Variants in EEA1 observed in about 807,000 individuals in gnomAD.
EEA1 encodes early endosome antigen 1, also known as early endosome antigen 1, 162kD.
In EEA1, 111 loss-of-function variants were observed where a neutral mutation model predicts 209.2. The ratio of observed to expected loss-of-function variants is 0.53; its 90% CI spans 0.45 to 0.62. The LOEUF is 0.62. EEA1 is among the 20% of genes least tolerant of loss of function. The probability of loss-of-function intolerance (pLI) is 0.00; values close to 1 mark genes in which losing one functional copy is unlikely to be tolerated. For missense variants in EEA1, 1,343 were observed against 1,530.8 expected (o/e 0.88, Z 2.05); for synonymous variants, 536 against 540.6 (o/e 0.99, Z 0.12).
At chr12:92,834,486 A>G (rs1275556351) in intron 10 of EEA1, among the ~76,000 whole-genome samples, 3 of 144,828 alleles carry the variant, frequency 2.1e-5, no homozygotes, top group African/African-American at 7.6e-5. Flanking sequence ...TTAAGGCTGC[A>G]GTGAACTAAG....
chr12:92,793,719 T>C (rs1792722248), intron 21 of EEA1, among the ~76,000 whole-genome samples: 2 of 152,164 alleles, frequency 1.3e-5, no homozygotes, highest in Non-Finnish European at 2.9e-5. Context: ...AAGTAATTTA[T>C]AGATTCAATG....
At chr12:92,791,769 A>C (rs1358683051) in intron 21 of EEA1, among the ~76,000 whole-genome samples, 3 of 152,230 alleles carry the variant, frequency 2.0e-5, no homozygotes, top group African/African-American at 7.2e-5. Context: ...TGCAACAAGC[A>C]GACCTAACAG....
chr12:92,902,740 TAAAAAAAA>T, intron 1 of EEA1, among the ~76,000 whole-genome samples: 2 of 125,098 alleles, frequency 1.6e-5, no homozygotes, highest in South Asian at 5.2e-4. Flanking sequence ...AATTCTGTCT[TAAAAAAAA>T]AAAAAAAAAA....
chr12:92,864,860 C>A lies in EEA1; in HGVS notation c.245G>T (p.Arg82Leu). 6.3e-7 allele frequency: 1 copy of A among 1,593,102 alleles called. No individual in the cohort carries two copies. The highest frequency in any genetic ancestry group is 8.5e-7 in the Non-Finnish European group (1 of 1,171,830). The change falls in exon 3 of 29, where the codon CGA becomes CTA. Residue 82 changes from arginine to leucine, a missense_variant and splice_region_variant. Transcript: ENST00000322349. ...HGGESNLALK[R>L]DDVTLLRQEV... ...ATACTTCAAAATTATCATACCGTACCGCTTCAAAGCAAGATTAGACTCTCC... is the reference window on the plus strand; with the variant it reads ...ATACTTCAAAATTATCATACCGTACAGCTTCAAAGCAAGATTAGACTCTCC...
chr12:92,870,685 G>T (rs1295537561), intron 2 of EEA1, among the ~76,000 whole-genome samples: 2 of 151,648 alleles, frequency 1.3e-5, no homozygotes, highest in African/African-American at 4.8e-5. Flanking sequence ...GGCGGTGGTG[G>T]GGCAGGGACG....
chr12:92,812,690 G>A (rs1055214675), intron 16 of EEA1, among the ~76,000 whole-genome samples: 1 of 152,072 alleles, frequency 6.6e-6, no homozygotes, highest in Non-Finnish European at 1.5e-5. Context: ...AAAGTTAGGA[G>A]GAAACATTAC....
Position 92,785,624 on chromosome 12 carries a change from C to A in EEA1, c.3150+2243G>T, listed in dbSNP as rs541127453. On this transcript the variant is annotated intron_variant, in intron 22 of 28. Coordinates refer to ENST00000322349, the MANE Select transcript of EEA1 (RefSeq NM_003566.4). ...AGCATTTTATATAAAATTTACCAAT[C>A]TTTTATTTTGTTAAAAAATTATAGT... 1.1e-4 allele frequency among the ~76,000 whole-genome samples: 16 copies of A among 152,232 alleles called. No homozygotes were observed. In the South Asian group the frequency reaches 3.3e-3, roughly 32 times the overall value.
chr12:92,881,789 C>T (rs1292713199), intron 2 of EEA1, among the ~76,000 whole-genome samples: 3 of 152,136 alleles, frequency 2.0e-5, no homozygotes, highest in African/African-American at 7.2e-5. Flanking sequence ...CTGATGAAAA[C>T]AATGAAATGA....
chr12:92,875,376 C>A (rs1209237118), intron 2 of EEA1, among the ~76,000 whole-genome samples: 1 of 152,136 alleles, frequency 6.6e-6, no homozygotes, highest in Non-Finnish European at 1.5e-5. Flanking sequence ...GCAGAGATTG[C>A]AGTGAGCTGA....
chr12:92,881,781 G>A (rs556965835), intron 2 of EEA1, among the ~76,000 whole-genome samples: 4 of 152,126 alleles, frequency 2.6e-5, no homozygotes, highest in Non-Finnish European at 4.4e-5. Context: ...GAACTGTCCT[G>A]ATGAAAACAA....
chr12:92,828,331 C>T (rs1384768612), intron 11 of EEA1, among the ~76,000 whole-genome samples: 1 of 151,914 alleles, frequency 6.6e-6, no homozygotes, highest in Non-Finnish European at 1.5e-5. Flanking sequence ...AATGCAGGTT[C>T]TTGTTTGGAT....
chr12:92,915,417 C>T (rs1458496455), intron 1 of EEA1, among the ~76,000 whole-genome samples: 2 of 152,120 alleles, frequency 1.3e-5, no homozygotes, highest in African/African-American at 4.8e-5. Context: ...TGCAGTGAGC[C>T]GTGATCATGC....
At chr12:92,840,362 G>A (rs1289414652) in intron 10 of EEA1, among the ~76,000 whole-genome samples, 2 of 152,216 alleles carry the variant, frequency 1.3e-5, no homozygotes, top group African/African-American at 2.4e-5. Flanking sequence ...GCCCAGGCTG[G>A]AGTGCAGTGG....
intron 9 of EEA1, among the ~76,000 whole-genome samples, chr12:92,848,722 C>CTTTTTTT (rs71069184): frequency 3.1e-5 from 2 of 64,550 alleles, no homozygotes; most frequent in Admixed American, 2.6e-4. Context: ...ATATTCTCAC[C>CTTTTTTT]TTTTTTTTTT....
intron 5 of EEA1, among the ~76,000 whole-genome samples, chr12:92,855,826 G>A (rs185291231): frequency 6.6e-6 from 1 of 152,252 alleles, no homozygotes; most frequent in East Asian, 1.9e-4. Context: ...ATGTGAAATA[G>A]TCATCTCAAA....
intron 1 of EEA1, among the ~76,000 whole-genome samples, chr12:92,899,133 A>G (rs2136763639): frequency 6.8e-6 from 1 of 147,482 alleles, no homozygotes; most frequent in South Asian, 2.1e-4. Flanking sequence ...CAAAGGCAAA[A>G]AAAAAAAAAA....
chr12:92,904,826 GA>G (rs745652391), intron 1 of EEA1, among the ~76,000 whole-genome samples: 1 of 152,156 alleles, frequency 6.6e-6, no homozygotes, highest in Non-Finnish European at 1.5e-5. Context: ...TGAATTTAGA[GA>G]TACATCACCC....
intron 15 of EEA1, 85 bp from the exon 16 acceptor site, chr12:92,813,178 CA>C (rs1875605039): frequency 1.3e-6 from 1 of 777,570 alleles, no homozygotes; most frequent in East Asian, 2.9e-5. Context: ...TGTGACTAAA[CA>C]AACTATTTAA....
At chr12:92,899,097 T>G (rs1880043428) in intron 1 of EEA1, among the ~76,000 whole-genome samples, 1 of 145,364 alleles carries the variant, frequency 6.9e-6, no homozygotes, top group Non-Finnish European at 1.5e-5. Flanking sequence ...GTACTAAAGA[T>G]GAAGAATGCA....
Sources: gnomAD v4.1 joint callset for allele counts (sites outside exome capture counted in the v4.1 genomes callset) on GRCh38, gnomAD v4.1.1 for gene constraint, MANE v1.5 for transcripts, NCBI Gene and HGNC (gene_info 2026-07-23, HGNC 2026-07-21) for gene names.